Variants in SOX5 observed in about 807,000 individuals in gnomAD.
The protein encoded by SOX5 is SRY-box transcription factor 5, also known as transcription factor SOX-5.
In SOX5, 9 loss-of-function variants were observed where a neutral mutation model predicts 92.0. The observed-to-expected ratio is 0.10, with a 90% CI of 0.06 to 0.17. The LOEUF (loss-of-function observed/expected upper bound fraction) is 0.17, where lower values mean the gene tolerates loss of function less well. SOX5 is among the 10% of genes least tolerant of loss of function. SOX5 has a pLI of 1.00. For missense variants in SOX5, 642 were observed against 944.5 expected, an observed-to-expected ratio of 0.68 and a Z score of 4.20; for synonymous variants, 344 against 336.3, an observed-to-expected ratio of 1.02 and a Z score of -0.25.
chr12:23,947,480 C>T (rs572974254), intron 1 of SOX5, among the ~76,000 whole-genome samples: 18 of 151,890 alleles, frequency 1.2e-4, no homozygotes, highest in East Asian at 7.7e-4. Flanking sequence ...GACACTCACC[C>T]GTACAAATTC....
At position 24,401,909 on chromosome 12, in the gene SOX5, T is replaced by C. The variant is rs1292790199; in HGVS notation, c.-250-33270A>G. Among the ~76,000 whole-genome samples, 6 of 152,270 alleles carry C rather than the reference T, an allele frequency of 3.9e-5. No individual in the cohort carries two copies. The South Asian group carries it at 8.3e-4, about 21-fold the overall frequency. On this transcript the variant is annotated intron_variant, in intron 1 of 4. Coordinates refer to the SOX5 transcript ENST00000446891. ...TAGCCTCACCTATTTCTAGCTTTTA[T>C]GATCTATGCATGTATGTATGTATTT...
upstream of SOX5, among the ~76,000 whole-genome samples, chr12:23,954,359 G>A (rs958418979): frequency 6.6e-6 from 1 of 151,750 alleles, no homozygotes; most frequent in Non-Finnish European, 1.5e-5. Flanking sequence ...TTGCCTTAAG[G>A]TGACACAATG....
chr12:23,757,793 G>T (rs1216036212), intron 3 of SOX5, among the ~76,000 whole-genome samples: 2 of 151,824 alleles, frequency 1.3e-5, no homozygotes, highest in Non-Finnish European at 1.5e-5. Context: ...CAAAGTCCAT[G>T]ACAAAGCTTT....
intron 9 of SOX5, among the ~76,000 whole-genome samples, chr12:23,586,722 A>C (rs1950801593): frequency 6.6e-6 from 1 of 151,796 alleles, no homozygotes; most frequent in African/African-American, 2.4e-5. Context: ...TAAGTCTCAA[A>C]AATTTGCTTT....
At chr12:24,020,345 T>C (rs1160049661) in intron 4 of SOX5, among the ~76,000 whole-genome samples, 1 of 152,198 alleles carries the variant, frequency 6.6e-6, no homozygotes, top group Non-Finnish European at 1.5e-5. Context: ...CTCTCCACCC[T>C]ATTCCAAAGT....
intron 4 of SOX5, among the ~76,000 whole-genome samples, chr12:24,036,353 T>C (rs1159145935): frequency 6.6e-6 from 1 of 152,150 alleles, no homozygotes; most frequent in Non-Finnish European, 1.5e-5. Flanking sequence ...ATTCCAACAC[T>C]ATACTTACTT....
chr12:23,849,333 A>C (rs1009209426), intron 2 of SOX5, among the ~76,000 whole-genome samples: 2 of 152,240 alleles, frequency 1.3e-5, no homozygotes, highest in African/African-American at 4.8e-5. Flanking sequence ...AATGATAGCA[A>C]ATATTTATTG....
rs377578972 is a variant in SOX5 at position 24,118,038 on chromosome 12, AG to A, written c.-2+95304del. 3.1e-3 allele frequency among the ~76,000 whole-genome samples: 425 copies of A among 136,072 alleles called. 7 individuals are homozygous for A. The highest frequency in any genetic ancestry group is 0.015 in the South Asian group (66 of 4,354). The allele number at this position is 136,072 out of a possible 152,430, so 89.3% of individuals were successfully genotyped here. On this transcript the variant is annotated intron_variant, in intron 4 of 4. Coordinates refer to the SOX5 transcript ENST00000446891. ...TCATTCAAAAAAAAAAAAAAAAAAA[AG>A]AAAAAAAAAATCTGTCTCACAGAAA... is the stretch of plus-strand genomic sequence containing the variant.
chr12:23,906,512 G>C (rs1418187669), intron 1 of SOX5, among the ~76,000 whole-genome samples: 2 of 152,154 alleles, frequency 1.3e-5, no homozygotes, highest in Non-Finnish European at 2.9e-5. Flanking sequence ...GACAGCGCCA[G>C]ACTGGAGTCA....
intron 1 of SOX5, among the ~76,000 whole-genome samples, chr12:23,922,421 A>G (rs576518514): frequency 1.3e-5 from 2 of 152,378 alleles, no homozygotes; most frequent in South Asian, 4.1e-4. Flanking sequence ...TAAATTTACA[A>G]TTAACAGTCC....
intron 3 of SOX5, among the ~76,000 whole-genome samples, chr12:23,765,065 A>C (rs1218344484): frequency 6.6e-6 from 1 of 152,080 alleles, no homozygotes; most frequent in African/African-American, 2.4e-5. Context: ...ATGTTCTAAT[A>C]CATAGAATCA....
At chr12:24,071,170 A>G (rs551026791) in intron 4 of SOX5, among the ~76,000 whole-genome samples, 1 of 152,338 alleles carries the variant, frequency 6.6e-6, no homozygotes, top group South Asian at 2.1e-4. Flanking sequence ...GTTATGCTAT[A>G]TTTATACCAT....
chr12:24,140,947 A>C (rs1407703128), intron 4 of SOX5, among the ~76,000 whole-genome samples: 3 of 152,212 alleles, frequency 2.0e-5, no homozygotes, highest in African/African-American at 7.2e-5. Flanking sequence ...CTATATTTCT[A>C]TCAAGTTACA....
intron 11 of SOX5, among the ~76,000 whole-genome samples, chr12:23,557,077 ACT>A (rs1222636993): frequency 1.3e-5 from 2 of 152,090 alleles, no homozygotes; most frequent in African/African-American, 2.4e-5. Context: ...CATGTTTGGC[ACT>A]CTGTTAAAGG....
At chr12:23,993,720 A>C (rs1950764078) in intron 4 of SOX5, among the ~76,000 whole-genome samples, 1 of 152,186 alleles carries the variant, frequency 6.6e-6, no homozygotes, top group African/African-American at 2.4e-5. Flanking sequence ...TTGAGAAGAC[A>C]TAGATATGAA....
intron 1 of SOX5, among the ~76,000 whole-genome samples, chr12:24,435,107 C>A (rs923930312): frequency 6.6e-6 from 1 of 152,152 alleles, no homozygotes; most frequent in Non-Finnish European, 1.5e-5. Context: ...GGGCATAGAG[C>A]CCAAAGTGGG....
intron 3 of SOX5, among the ~76,000 whole-genome samples, chr12:23,802,561 C>G (rs1338329712): frequency 6.6e-6 from 1 of 151,918 alleles, no homozygotes; most frequent in Non-Finnish European, 1.5e-5. Context: ...ACACAGCTTG[C>G]TTATGGAAAT....
chr12:24,014,918 C>T (rs1005740579), intron 4 of SOX5, among the ~76,000 whole-genome samples: 3 of 152,080 alleles, frequency 2.0e-5, no homozygotes, highest in African/African-American at 7.2e-5. Context: ...AAACTGCTGG[C>T]TTTGTGTGGC....
intron 4 of SOX5, among the ~76,000 whole-genome samples, chr12:24,036,978 A>G (rs17482874): frequency 0.029 from 4,398 of 152,242 alleles, 109 homozygotes; most frequent in Middle Eastern, 0.082. Context: ...AAGGCATGTT[A>G]TCAATGTAAA....
Sources: allele counts gnomAD v4.1 joint callset (sites outside exome capture counted in the v4.1 genomes callset), GRCh38; gene constraint gnomAD v4.1.1; transcripts MANE v1.5; gene names NCBI Gene and HGNC (gene_info 2026-07-23, HGNC 2026-07-21).